Variants in SRGAP1 observed in about 807,000 individuals in gnomAD.
SRGAP1 encodes SLIT-ROBO Rho GTPase activating protein 1.
A neutral mutation model predicts 121.9 loss-of-function variants in SRGAP1; 43 were observed. The observed-to-expected ratio is 0.35, with a 90% confidence interval of 0.28 to 0.46. SRGAP1 has a LOEUF of 0.46. Ranked by LOEUF, SRGAP1 falls within the 20% of genes least tolerant of loss-of-function variation. The pLI is 1.00. For missense variants in SRGAP1, 1,102 were observed against 1,350.9 expected (o/e 0.82, Z 2.89); for synonymous variants, 447 against 485.4 (o/e 0.92, Z 1.04).
At chr12:63,970,943 A>G (rs1397258376) in intron 1 of SRGAP1, among the ~76,000 whole-genome samples, 1 of 152,222 alleles carries the variant, frequency 6.6e-6, no homozygotes, top group African/African-American at 2.4e-5. Context: ...TCAAGATAGC[A>G]TCCTATATCA....
chr12:64,092,531 G>C lies in SRGAP1; in HGVS notation c.1539+1153G>C, dbSNP rs1349104701. On this transcript the variant is annotated intron_variant, in intron 12 of 21. Coordinates refer to ENST00000355086, the MANE Select transcript of SRGAP1 (RefSeq NM_020762.4). Reference sequence around the variant, plus strand: ...GTACATAGATTAAAAACCTCTGGCAGCCTTAAAAATCAGCCCTACTCTGGA... The same window carrying C: ...GTACATAGATTAAAAACCTCTGGCACCCTTAAAAATCAGCCCTACTCTGGA... Among the ~76,000 whole-genome samples, 9 of 152,210 alleles carry C rather than the reference G, an allele frequency of 5.9e-5. No individual in the cohort carries two copies. In the South Asian group the frequency reaches 1.9e-3, roughly 32 times the overall value.
chr12:64,132,852 A>T (rs549541213), intron 21 of SRGAP1, among the ~76,000 whole-genome samples: 1 of 152,396 alleles, frequency 6.6e-6, no homozygotes, highest in South Asian at 2.1e-4. Context: ...GAGGTAGGAC[A>T]GTAAAGGTAT....
chr12:63,884,158 C>G (rs1342378177), intron 1 of SRGAP1, among the ~76,000 whole-genome samples: 2 of 151,866 alleles, frequency 1.3e-5, no homozygotes. Flanking sequence ...TGGCGCATGC[C>G]TGTAATCCCA....
intron 3 of SRGAP1, among the ~76,000 whole-genome samples, chr12:63,998,919 G>A (rs2033794938): frequency 6.6e-6 from 1 of 152,020 alleles, no homozygotes; most frequent in South Asian, 2.1e-4. Flanking sequence ...AAGATGTTGG[G>A]GATACAGCAG....
In SRGAP1 at chr12:64,143,469, C is replaced by G. The variant is rs1472424482; in HGVS notation, c.*797C>G. ...AGAAGGGTTTAATTTTAAAGACTTT[C>G]TGGTTACACTACTCCACGAACTCCT... On this transcript the variant is annotated 3_prime_UTR_variant, in exon 22 of 22. Coordinates refer to ENST00000355086, the MANE Select transcript of SRGAP1 (RefSeq NM_020762.4). 6.6e-6 allele frequency: 1 copy of G among 152,204 alleles called. No individual in the cohort carries two copies. The highest frequency in any genetic ancestry group is 1.5e-5 in the Non-Finnish European group (1 of 68,050). The allele number at this position is 152,204 out of a possible 1,614,324, so 9.4% of individuals were successfully genotyped here.
chr12:63,890,299 GGA>G (rs1402889474), intron 1 of SRGAP1, among the ~76,000 whole-genome samples: 1 of 152,210 alleles, frequency 6.6e-6, no homozygotes, highest in Non-Finnish European at 1.5e-5. Flanking sequence ...GCCAAAGGCA[GGA>G]GAGAGTAAGC....
chr12:64,069,582 G>A (rs767778610), intron 8 of SRGAP1, among the ~76,000 whole-genome samples: 6 of 152,158 alleles, frequency 3.9e-5, no homozygotes, highest in African/African-American at 1.4e-4. Flanking sequence ...CTGCCACACA[G>A]CCTTGTTCCC....
At chr12:64,021,416 G>T (rs1457898674) in intron 4 of SRGAP1, among the ~76,000 whole-genome samples, 1 of 152,194 alleles carries the variant, frequency 6.6e-6, no homozygotes. Context: ...GCTAGTTATT[G>T]TGCTAAGCAT....
chr12:64,098,775 G>C (rs1362860233), intron 15 of SRGAP1, among the ~76,000 whole-genome samples: 3 of 152,234 alleles, frequency 2.0e-5, no homozygotes, highest in Admixed American at 2.0e-4. Flanking sequence ...GCCCTCTCCT[G>C]CTACCCTACC....
chr12:63,906,241 CT>C (rs1402342745), intron 1 of SRGAP1, among the ~76,000 whole-genome samples: 3 of 152,092 alleles, frequency 2.0e-5, no homozygotes, highest in Non-Finnish European at 4.4e-5. Flanking sequence ...TGATTAGTAT[CT>C]CATTGTATGG....
intron 15 of SRGAP1, among the ~76,000 whole-genome samples, chr12:64,105,873 A>G (rs945958580): frequency 2.0e-5 from 3 of 152,180 alleles, no homozygotes; most frequent in African/African-American, 4.8e-5. Flanking sequence ...CTTGCTGTCT[A>G]TGGGATTTGA....
chr12:63,883,843 AG>A (rs1900276886), intron 1 of SRGAP1, among the ~76,000 whole-genome samples: 1 of 150,982 alleles, frequency 6.6e-6, no homozygotes, highest in South Asian at 2.1e-4. Context: ...TATTTTTAGT[AG>A]AGACGGGGTT....
chr12:63,961,921 A>C (rs777973815), intron 1 of SRGAP1, among the ~76,000 whole-genome samples: 1 of 152,208 alleles, frequency 6.6e-6, no homozygotes, highest in Non-Finnish European at 1.5e-5. Context: ...AAAACCTTTC[A>C]GGGGAGGAGA....
At chr12:64,024,170 G>T (rs1244630697) in intron 4 of SRGAP1, among the ~76,000 whole-genome samples, 15 of 152,182 alleles carry the variant, frequency 9.9e-5, no homozygotes, top group African/African-American at 3.4e-4. Flanking sequence ...GGTGATTCAC[G>T]TCTGTAATCC....
At chr12:63,892,000 GA>G (rs1900600576) in intron 1 of SRGAP1, among the ~76,000 whole-genome samples, 1 of 133,080 alleles carries the variant, frequency 7.5e-6, no homozygotes. Flanking sequence ...AAAAAAAAAA[GA>G]AAAAAAGAAA....
intron 6 of SRGAP1, among the ~76,000 whole-genome samples, chr12:64,059,431 G>C (rs1210586400): frequency 6.6e-6 from 1 of 151,976 alleles, no homozygotes; most frequent in Non-Finnish European, 1.5e-5. Context: ...GGGGGTTTTT[G>C]TGGGAGGTGG....
At chr12:63,896,764 C>T (rs963681242) in intron 1 of SRGAP1, among the ~76,000 whole-genome samples, 2 of 152,178 alleles carry the variant, frequency 1.3e-5, no homozygotes, top group Non-Finnish European at 2.9e-5. Flanking sequence ...GGCCCATGAG[C>T]CATCACTTTA....
chr12:64,018,116 G>A (rs2034453182), intron 4 of SRGAP1, among the ~76,000 whole-genome samples: 1 of 152,110 alleles, frequency 6.6e-6, no homozygotes, highest in Admixed American at 6.6e-5. Flanking sequence ...TTTTTGAGGA[G>A]TCTTACTCTG....
chr12:64,068,022 TTAAA>T (rs998040263), intron 8 of SRGAP1, among the ~76,000 whole-genome samples: 29 of 152,058 alleles, frequency 1.9e-4, no homozygotes, highest in African/African-American at 7.0e-4. Context: ...TTAGAATACT[TTAAA>T]TAGTCACTTT....
Sources: gnomAD v4.1 joint callset for allele counts (sites outside exome capture counted in the v4.1 genomes callset) on GRCh38, gnomAD v4.1.1 for gene constraint, MANE v1.5 for transcripts, NCBI Gene and HGNC (gene_info 2026-07-23, HGNC 2026-07-21) for gene names.